Variants in AEBP2 observed in about 807,000 individuals in gnomAD.
The protein encoded by AEBP2 is AE binding protein 2, also known as zinc finger protein AEBP2.
A neutral mutation model predicts 50.8 loss-of-function variants in AEBP2; 10 were observed. That is an observed-to-expected ratio of 0.20 (90% CI 0.12 to 0.33). AEBP2 has a LOEUF of 0.33. Among genes scored for constraint, AEBP2 ranks in the 10% least tolerant of loss-of-function variants. The probability of loss-of-function intolerance (pLI) is 1.00; values close to 1 mark genes in which losing one functional copy is unlikely to be tolerated. For synonymous variants in AEBP2, 296 were observed against 261.3 expected (o/e 1.13, Z -1.28); for missense variants, 570 against 688.0 (o/e 0.83, Z 1.92).
At chr12:19,474,607 A>G (rs1056338196) in intron 3 of AEBP2, among the ~76,000 whole-genome samples, 2 of 152,114 alleles carry the variant, frequency 1.3e-5, no homozygotes, top group African/African-American at 4.8e-5. Flanking sequence ...TTCTTACACA[A>G]AGTCTAGTAA....
chr12:19,409,922 C>T (rs932619518), intron 1 of AEBP2, among the ~76,000 whole-genome samples: 4 of 152,148 alleles, frequency 2.6e-5, no homozygotes, highest in African/African-American at 9.7e-5. Flanking sequence ...AATGCAAACT[C>T]TCTGAATCAT....
chr12:19,456,315 G>C, intron 1 of AEBP2: 12 of 1,468,462 alleles, frequency 8.2e-6, no homozygotes, highest in Non-Finnish European at 1.1e-5. Flanking sequence ...CTTGTTCACT[G>C]CTTTGATGAC....
At chr12:19,466,609 A>G (rs1163401395) in intron 2 of AEBP2, 1 of 162,522 alleles carries the variant, frequency 6.2e-6, no homozygotes, top group Non-Finnish European at 1.3e-5. Context: ...CTCTGCTCTT[A>G]CTAGCTCCTG....
At chr12:19,450,685 A>G (rs12099996) in intron 1 of AEBP2, among the ~76,000 whole-genome samples, 5 of 148,200 alleles carry the variant, frequency 3.4e-5, no homozygotes, top group African/African-American at 9.9e-5. Flanking sequence ...AAAAAAAGAA[A>G]AAAAAAAGAC....
chr12:19,482,086 G>A (rs1162314146), intron 3 of AEBP2, among the ~76,000 whole-genome samples: 1 of 152,098 alleles, frequency 6.6e-6, no homozygotes, highest in East Asian at 1.9e-4. Context: ...TATTTCGGTG[G>A]AAAAGACTGG....
intron 1 of AEBP2, among the ~76,000 whole-genome samples, chr12:19,444,961 C>G (rs1454322172): frequency 1.3e-5 from 2 of 152,042 alleles, no homozygotes; most frequent in Non-Finnish European, 2.9e-5. Flanking sequence ...GTGGCGCGAT[C>G]TCAGCTCACT....
chr12:19,418,611 TC>T (rs925325323), intron 1 of AEBP2, among the ~76,000 whole-genome samples: 6 of 151,930 alleles, frequency 3.9e-5, no homozygotes, highest in Admixed American at 3.9e-4. Context: ...TCTGTAAGAA[TC>T]CCCCCACTTT....
At chr12:19,459,756 T>G (rs978509850) in intron 1 of AEBP2, among the ~76,000 whole-genome samples, 1 of 152,190 alleles carries the variant, frequency 6.6e-6, no homozygotes, top group African/African-American at 2.4e-5. Context: ...ATATATTTAT[T>G]GCATTTAACT....
chr12:19,506,310 G>A (rs1170406248), intron 5 of AEBP2, among the ~76,000 whole-genome samples: 1 of 151,812 alleles, frequency 6.6e-6, no homozygotes, highest in Non-Finnish European at 1.5e-5. Flanking sequence ...ATGTTGGCCA[G>A]GCTGGTCTCG....
At chr12:19,420,351 T>TG (rs2095744988) in intron 1 of AEBP2, among the ~76,000 whole-genome samples, 1 of 143,678 alleles carries the variant, frequency 7.0e-6, no homozygotes, top group Non-Finnish European at 1.5e-5. Flanking sequence ...TTTTTTTTTT[T>TG]GAGACAGAGT....
upstream of AEBP2, among the ~76,000 whole-genome samples, chr12:19,436,847 G>C (rs922260477): frequency 6.6e-6 from 1 of 151,934 alleles, no homozygotes; most frequent in East Asian, 1.9e-4. Context: ...TGATCCCCCT[G>C]CTTCAGTTTC....
intron 1 of AEBP2, among the ~76,000 whole-genome samples, chr12:19,407,298 CTCTTTTT>C (rs1031997381): frequency 1.2e-4 from 18 of 152,182 alleles, no homozygotes; most frequent in Admixed American, 2.6e-4. Flanking sequence ...AAGACCCCAT[CTCTTTTT>C]TCTTTTTTCT....
chr12:19,464,839 C>T (rs1160772052), intron 2 of AEBP2, among the ~76,000 whole-genome samples: 2 of 151,908 alleles, frequency 1.3e-5, no homozygotes, highest in Non-Finnish European at 2.9e-5. Flanking sequence ...ATCCACCCGC[C>T]TCGGCCTCCC....
chr12:19,452,961 CT>C (rs34876719), intron 1 of AEBP2, among the ~76,000 whole-genome samples: 258 of 106,916 alleles, frequency 2.4e-3, no homozygotes, highest in Middle Eastern at 7.5e-3. Flanking sequence ...GACTTACGTT[CT>C]TTTTTTTTTT....
intron 1 of AEBP2, among the ~76,000 whole-genome samples, chr12:19,454,191 CATT>C (rs1948224290): frequency 1.3e-5 from 2 of 152,244 alleles, no homozygotes; most frequent in Admixed American, 1.3e-4. Context: ...GCGCTGACCA[CATT>C]AGTTCTACTG....
chr12:19,411,981 C>G (rs1163612008), intron 1 of AEBP2, among the ~76,000 whole-genome samples: 1 of 152,236 alleles, frequency 6.6e-6, no homozygotes, highest in Non-Finnish European at 1.5e-5. Flanking sequence ...ATTCACATCA[C>G]CCACGTGAAA....
At chr12:19,412,445 T>A (rs1297473871) in intron 1 of AEBP2, among the ~76,000 whole-genome samples, 1 of 151,688 alleles carries the variant, frequency 6.6e-6, no homozygotes, top group East Asian at 1.9e-4. Context: ...ACCTAGCGAA[T>A]TTTTTTGTAT....
At chr12:19,459,171 A>G (rs1347582298) in intron 1 of AEBP2, among the ~76,000 whole-genome samples, 2 of 152,248 alleles carry the variant, frequency 1.3e-5, no homozygotes, top group Non-Finnish European at 2.9e-5. Context: ...TATTTAAAGC[A>G]AGTGATAGGG....
At chr12:19,456,429 A>T (rs1948270861) in intron 1 of AEBP2, 9 of 1,404,390 alleles carry the variant, frequency 6.4e-6, no homozygotes, top group Non-Finnish European at 9.0e-6. Context: ...AACCATATCA[A>T]CGTTGGCAGC....
Sources: allele counts gnomAD v4.1 joint callset (sites outside exome capture counted in the v4.1 genomes callset), GRCh38; gene constraint gnomAD v4.1.1; transcripts MANE v1.5; gene names NCBI Gene and HGNC (gene_info 2026-07-23, HGNC 2026-07-21).